The following MRPS28 variants were observed in gnomAD, a reference collection of about 807,000 sequenced individuals.
MRPS28 encodes mitochondrial ribosomal protein S28, also known as small ribosomal subunit protein bS1m.
In MRPS28, 7 loss-of-function variants were observed where a neutral mutation model predicts 10.8. The ratio of observed to expected loss-of-function variants is 0.65; its 90% confidence interval spans 0.37 to 1.22. The LOEUF (loss-of-function observed/expected upper bound fraction) is 1.22, where lower values mean the gene tolerates loss of function less well. MRPS28 is among the 50% of genes most tolerant of loss of function. The pLI is 0.02. For missense variants in MRPS28, 265 were observed against 232.9 expected, an observed-to-expected ratio of 1.14 and a Z score of -0.90; for synonymous variants, 121 against 93.3, an observed-to-expected ratio of 1.30 and a Z score of -1.71.
At chr8:79,975,837 A>G (rs1807781876) in intron 2 of MRPS28, among the ~76,000 whole-genome samples, 1 of 152,238 alleles carries the variant, frequency 6.6e-6, no homozygotes, top group African/African-American at 2.4e-5. Context: ...ATTATAAGGA[A>G]ATAATCAGAT....
chr8:80,004,371 A>C (rs1438195036), intron 1 of MRPS28, among the ~76,000 whole-genome samples: 4 of 152,234 alleles, frequency 2.6e-5, no homozygotes, highest in Non-Finnish European at 5.9e-5. Context: ...TACCCAGGCA[A>C]ACAGGGTCTG....
At chr8:79,950,442 G>A (rs1038083371) in intron 2 of MRPS28, among the ~76,000 whole-genome samples, 23 of 152,080 alleles carry the variant, frequency 1.5e-4, no homozygotes, top group Non-Finnish European at 2.4e-4. Flanking sequence ...TATACTTTAG[G>A]ATATTAGGGT....
At chr8:80,014,352 G>C (rs910270375) in intron 1 of MRPS28, among the ~76,000 whole-genome samples, 3 of 152,066 alleles carry the variant, frequency 2.0e-5, no homozygotes, top group Non-Finnish European at 2.9e-5. Flanking sequence ...GGAGAGCCAA[G>C]TTTGGGATGG....
chr8:79,989,294 G>T (rs545206068), intron 2 of MRPS28, among the ~76,000 whole-genome samples: 1 of 152,310 alleles, frequency 6.6e-6, no homozygotes, highest in South Asian at 2.1e-4. Context: ...GCTTGAATCA[G>T]TTGAAATTTC....
chr8:79,924,141 G>C (rs1810171316), intron 2 of MRPS28, among the ~76,000 whole-genome samples: 1 of 152,174 alleles, frequency 6.6e-6, no homozygotes, highest in Non-Finnish European at 1.5e-5. Context: ...CAAATTAGCT[G>C]TCTTGCTGTA....
At chr8:80,029,925 C>T (rs902038356) in intron 1 of MRPS28, 111 bp downstream of exon 1, 2 of 1,535,078 alleles carry the variant, frequency 1.3e-6, no homozygotes, top group Admixed American at 2.0e-5. Flanking sequence ...GAAAACTGGG[C>T]CCCGGACCTC....
chr8:80,022,000 G>A (rs1809379597), intron 1 of MRPS28, among the ~76,000 whole-genome samples: 4 of 152,122 alleles, frequency 2.6e-5, no homozygotes, highest in African/African-American at 9.7e-5. Flanking sequence ...TACATGTAAA[G>A]GTTCTGTACT....
chr8:79,975,585 C>G (rs1807774440), intron 2 of MRPS28, among the ~76,000 whole-genome samples: 1 of 151,834 alleles, frequency 6.6e-6, no homozygotes, highest in Non-Finnish European at 1.5e-5. Context: ...CAGAACAGGC[C>G]AATGACTCTG....
chr8:80,025,748 C>T (rs1383020453), intron 1 of MRPS28, among the ~76,000 whole-genome samples: 1 of 152,060 alleles, frequency 6.6e-6, no homozygotes, highest in Non-Finnish European at 1.5e-5. Flanking sequence ...AATCTCATGA[C>T]ATAGGGGGAA....
chr8:79,971,805 C>A (rs1386966137), intron 2 of MRPS28, among the ~76,000 whole-genome samples: 1 of 152,170 alleles, frequency 6.6e-6, no homozygotes, highest in Non-Finnish European at 1.5e-5. Context: ...TCAAGCAATC[C>A]TCCTGCCTCA....
intron 1 of MRPS28, among the ~76,000 whole-genome samples, chr8:80,011,585 C>T (rs879378233): frequency 2.0e-5 from 3 of 151,990 alleles, no homozygotes; most frequent in Non-Finnish European, 2.9e-5. Context: ...GAAACCCTGT[C>T]TCTACTAAAA....
chr8:79,934,377 T>C (rs1020422601), intron 2 of MRPS28, among the ~76,000 whole-genome samples: 3 of 152,194 alleles, frequency 2.0e-5, no homozygotes, highest in African/African-American at 7.2e-5. Flanking sequence ...TATAGTCTCC[T>C]TTCCCTTCCT....
intron 1 of MRPS28, among the ~76,000 whole-genome samples, chr8:80,005,059 T>C (rs1433901586): frequency 3.3e-5 from 5 of 152,190 alleles, no homozygotes; most frequent in Admixed American, 1.3e-4. Context: ...TGGAAAGCAC[T>C]CTTCAGGATA....
intron 2 of MRPS28, among the ~76,000 whole-genome samples, chr8:79,930,292 T>G (rs1333322102): frequency 6.6e-6 from 1 of 152,182 alleles, no homozygotes; most frequent in Non-Finnish European, 1.5e-5. Flanking sequence ...TAAATCACCC[T>G]TTTCTCCTAT....
At chr8:80,005,131 G>C (rs1808794384) in intron 1 of MRPS28, among the ~76,000 whole-genome samples, 2 of 152,102 alleles carry the variant, frequency 1.3e-5, no homozygotes, top group African/African-American at 4.8e-5. Context: ...AGGAAATACA[G>C]AGAACGCCAC....
intron 2 of MRPS28, among the ~76,000 whole-genome samples, chr8:79,998,902 T>C (rs1465266917): frequency 1.3e-5 from 2 of 152,228 alleles, no homozygotes; most frequent in Non-Finnish European, 2.9e-5. Flanking sequence ...AACTTACTTA[T>C]TAAAAGAAAC....
intron 2 of MRPS28, among the ~76,000 whole-genome samples, chr8:79,978,194 T>C (rs1236717775): frequency 6.6e-6 from 1 of 152,230 alleles, no homozygotes; most frequent in Non-Finnish European, 1.5e-5. Context: ...TACTTGATAA[T>C]ACTTAACAGT....
intron 1 of MRPS28, among the ~76,000 whole-genome samples, chr8:80,014,914 TG>T (rs898622156): frequency 6.6e-6 from 1 of 151,896 alleles, no homozygotes; most frequent in Non-Finnish European, 1.5e-5. Flanking sequence ...ATCTGAGAGG[TG>T]GGGGTCACAG....
intron 2 of MRPS28, among the ~76,000 whole-genome samples, chr8:79,994,789 T>C (rs554122202): frequency 1.4e-4 from 22 of 152,290 alleles, no homozygotes; most frequent in East Asian, 9.6e-4. Context: ...TAGGACAATA[T>C]GTAAATTCCT....
Sources: gnomAD v4.1 joint callset for allele counts (sites outside exome capture counted in the v4.1 genomes callset) on GRCh38, gnomAD v4.1.1 for gene constraint, MANE v1.5 for transcripts, NCBI Gene and HGNC (gene_info 2026-07-23, HGNC 2026-07-21) for gene names.